Variants in TACC1 observed in about 807,000 individuals in gnomAD.
The protein encoded by TACC1 is transforming acidic coiled-coil-containing protein 1.
TACC1 carries 48 observed loss-of-function variants against 84.4 expected under a neutral mutation model. That is an observed-to-expected ratio of 0.57 (90% CI 0.45 to 0.72). The LOEUF (loss-of-function observed/expected upper bound fraction) is 0.72, where lower values mean the gene tolerates loss of function less well. Ranked by LOEUF, TACC1 falls within the 30% of genes least tolerant of loss-of-function variation. The pLI is 0.00. For missense variants in TACC1, 920 were observed against 973.0 expected, an observed-to-expected ratio of 0.95 and a Z score of 0.72; for synonymous variants, 372 against 376.3, an observed-to-expected ratio of 0.99 and a Z score of 0.13.
chr8:38,833,040 G>A (rs886373984), intron 6 of TACC1, among the ~76,000 whole-genome samples: 1 of 152,220 alleles, frequency 6.6e-6, no homozygotes, highest in African/African-American at 2.4e-5. Context: ...GGAAGGATAT[G>A]ATTGATTGAT....
At chr8:38,765,005 A>G (rs1587410513) in intron 3 of TACC1, among the ~76,000 whole-genome samples, 1 of 151,992 alleles carries the variant, frequency 6.6e-6, no homozygotes, top group African/African-American at 2.4e-5. Context: ...AGGCTGAGGC[A>G]GGATAATCGC....
intron 3 of TACC1, among the ~76,000 whole-genome samples, chr8:38,774,613 C>T (rs1814416669): frequency 1.3e-5 from 2 of 152,190 alleles, no homozygotes; most frequent in Non-Finnish European, 2.9e-5. Flanking sequence ...CCATCTTGGC[C>T]TCCCAAGTAG....
intron 6 of TACC1, among the ~76,000 whole-genome samples, chr8:38,835,178 C>T (rs986148929): frequency 9.3e-5 from 14 of 150,916 alleles, no homozygotes; most frequent in Non-Finnish European, 2.1e-4. Context: ...GGCGTGAACC[C>T]GGGAGGCGGA....
chr8:38,829,321 T>C (rs2152272721), intron 5 of TACC1, among the ~76,000 whole-genome samples: 1 of 152,338 alleles, frequency 6.6e-6, no homozygotes, highest in African/African-American at 2.4e-5. Context: ...TAAAATAATA[T>C]GCCAGGCATT....
chr8:38,760,034 T>TA lies in TACC1; in HGVS notation c.26+14541_26+14542insA, dbSNP rs1563304939. ...CTTTTCAAAATCTATTGTTCTTTTT[T>TA]TAAAAAAAAAAAATACATGAAAGTC... On this transcript the variant is annotated intron_variant, in intron 3 of 14. Transcript: ENST00000518415. Among the ~76,000 whole-genome samples the TA allele has an allele frequency of 4.6e-3, 688 of 149,202 alleles. 2 individuals carry two copies. Among genetic ancestry groups the TA allele is most frequent in the African/African-American group, 0.015 (604 of 40,642 alleles).
rs879001255 is a variant in TACC1, at chr8:38,788,748, C to T, written c.206C>T (p.Pro69Leu). 8 of 1,613,898 alleles carry T rather than the reference C, an allele frequency of 5.0e-6. No homozygotes were observed. The Admixed American group carries it at 5.0e-5, about 10-fold the overall frequency. The change falls in exon 2 of 13, where the codon CCG becomes CTG. Residue 69 changes from proline (P) to leucine (L), a missense_variant. By Grantham distance (98) the Pro-to-Leu change is moderately conservative. Transcript: ENST00000317827. ...GNFETPEAET[P>L]IRSPFKESCD... ...TTTGAGACTCCTGAAGCTGAAACCC[C>T]GATCCGATCACCTTTCAAGGAGTCC...
At chr8:38,801,117 TAA>T (rs1440778571) in intron 2 of TACC1, among the ~76,000 whole-genome samples, 1 of 152,260 alleles carries the variant, frequency 6.6e-6, no homozygotes, top group Non-Finnish European at 1.5e-5. Context: ...TTTTTATCAC[TAA>T]GTTATATATT....
At chr8:38,805,151 C>G (rs940396822) in intron 2 of TACC1, among the ~76,000 whole-genome samples, 1 of 152,174 alleles carries the variant, frequency 6.6e-6, no homozygotes, top group African/African-American at 2.4e-5. Context: ...TCCTTTCCTC[C>G]CTGAGGAATC....
chr8:38,792,655 C>T (rs1173493763), intron 2 of TACC1, among the ~76,000 whole-genome samples: 14 of 152,116 alleles, frequency 9.2e-5, no homozygotes, highest in East Asian at 1.9e-4. Flanking sequence ...TTAGTAGAGA[C>T]GGGGTTTCAC....
At chr8:38,738,970 A>G in intron 1 of TACC1, among the ~76,000 whole-genome samples, 1 of 152,110 alleles carries the variant, frequency 6.6e-6, no homozygotes, top group East Asian at 1.9e-4. Context: ...GGCTCACTGC[A>G]ACCTCCGCCT....
intron 4 of TACC1, among the ~76,000 whole-genome samples, chr8:38,825,893 G>A (rs970281895): frequency 2.0e-5 from 3 of 152,092 alleles, no homozygotes; most frequent in African/African-American, 7.2e-5. Flanking sequence ...TTCATCTATT[G>A]TTTATATAAA....
intron 2 of TACC1, among the ~76,000 whole-genome samples, chr8:38,816,964 G>A (rs1034489943): frequency 6.6e-6 from 1 of 152,036 alleles, no homozygotes; most frequent in Admixed American, 6.6e-5. Flanking sequence ...GCCCATTCCC[G>A]CAGCTGTCAA....
chr8:38,816,860 C>A (rs1051680657), intron 2 of TACC1, among the ~76,000 whole-genome samples: 1 of 152,134 alleles, frequency 6.6e-6, no homozygotes, highest in Non-Finnish European at 1.5e-5. Flanking sequence ...GGTGATTGAG[C>A]TCATTTTCCA....
chr8:38,847,049 C>T (rs955861697), intron 12 of TACC1, among the ~76,000 whole-genome samples: 1 of 152,200 alleles, frequency 6.6e-6, no homozygotes, highest in African/African-American at 2.4e-5. Context: ...GAGGAAGTTG[C>T]ATTTTAACTG....
chr8:38,787,537 A>G lies in TACC1; in HGVS notation c.-46A>G, dbSNP rs1256988418. The G allele has an allele frequency of 8.1e-6, 12 of 1,488,592 alleles. No individual in the cohort carries two copies. Among genetic ancestry groups the G allele is most frequent in the Non-Finnish European group, 1.1e-5 (12 of 1,123,664 alleles). The allele number at this position is 1,488,592 out of a possible 1,614,324, so 92.2% of individuals were successfully genotyped here. On this transcript the variant is annotated 5_prime_UTR_variant, in exon 1 of 13. Coordinates refer to ENST00000317827, the MANE Select transcript of TACC1 (RefSeq NM_006283.3). ...TTTGAAAGGGAAAAAGGCTCTCCCC[A>G]CCCATTCCCCTGCCCCTAGGAGCTG...
chr8:38,766,093 T>C lies in TACC1; in HGVS notation c.26+20600T>C, dbSNP rs117912751. Among the ~76,000 whole-genome samples, 383 of 152,362 alleles carry C rather than the reference T, an allele frequency of 2.5e-3. 1 individual carries two copies. The highest frequency in any genetic ancestry group is 4.3e-3 in the Non-Finnish European group (290 of 68,030). ...ATTTAATATAAGGAATGGCAAATGA[T>C]GAACCACTGTTCTCTGCTCTTCCTT... On this transcript the variant is annotated intron_variant, in intron 3 of 14. Transcript: ENST00000518415.
chr8:38,800,789 G>T (rs2152071959), intron 2 of TACC1, among the ~76,000 whole-genome samples: 1 of 152,212 alleles, frequency 6.6e-6, no homozygotes, highest in Non-Finnish European at 1.5e-5. Context: ...TAGGCCATAT[G>T]GTAACTTCAT....
At chr8:38,836,381 T>C (rs1364657676) in intron 7 of TACC1, 94 bp downstream of exon 7, 6 of 1,533,804 alleles carry the variant, frequency 3.9e-6, no homozygotes, top group Non-Finnish European at 5.3e-6. Flanking sequence ...GCTCAAGTTA[T>C]CACAGGCTGG....
chr8:38,809,979 CTG>C (rs1342523982), intron 2 of TACC1, among the ~76,000 whole-genome samples: 9 of 152,158 alleles, frequency 5.9e-5, no homozygotes, highest in Non-Finnish European at 1.3e-4. Flanking sequence ...AATTATGTAA[CTG>C]TAAAAAAACT....
Sources: allele counts gnomAD v4.1 joint callset (sites outside exome capture counted in the v4.1 genomes callset), GRCh38; gene constraint gnomAD v4.1.1; transcripts MANE v1.5; gene names NCBI Gene and HGNC (gene_info 2026-07-23, HGNC 2026-07-21).